Variants in NLGN1 observed in about 807,000 individuals in gnomAD.
NLGN1 encodes the protein neuroligin 1.
Under a neutral mutation model 65.5 loss-of-function variants are expected in NLGN1, and 12 were observed. That is an observed-to-expected ratio of 0.18 (90% confidence interval 0.12 to 0.30). The LOEUF is 0.30. Ranked by LOEUF, NLGN1 falls within the 10% of genes least tolerant of loss-of-function variation. The pLI is 1.00. For missense variants in NLGN1, 750 were observed against 1,007.1 expected (o/e 0.74, Z 3.46); for synonymous variants, 350 against 359.5 (o/e 0.97, Z 0.30).
At chr3:173,500,610 T>C (rs184054947) in intron 2 of NLGN1, among the ~76,000 whole-genome samples, 1 of 152,312 alleles carries the variant, frequency 6.6e-6, no homozygotes, top group African/African-American at 2.4e-5. Flanking sequence ...TTGATTGGAA[T>C]AGTTTCAGAA....
chr3:173,456,073 TA>T (rs1266808895), intron 2 of NLGN1, among the ~76,000 whole-genome samples: 1 of 152,082 alleles, frequency 6.6e-6, no homozygotes, highest in African/African-American at 2.4e-5. Flanking sequence ...TCTGCTTTAG[TA>T]AGACATCAAT....
chr3:173,684,401 A>T (rs968991350), intron 3 of NLGN1, among the ~76,000 whole-genome samples: 9 of 152,222 alleles, frequency 5.9e-5, no homozygotes, highest in Non-Finnish European at 1.2e-4. Flanking sequence ...TATGAAGTTT[A>T]AAAGTCAGAA....
At position 173,537,297 on chromosome 3, in the gene NLGN1, C is replaced by T. The variant is rs141443295; in HGVS notation, c.-320-66982C>T. The stretch of plus-strand genomic sequence containing the variant: ...TAAAAACAATAACTAGGTTATAATT[C>T]CAACTATTATACAAGTCTCCTGCAC... On this transcript the variant is annotated intron_variant, in intron 2 of 6. Coordinates refer to ENST00000457714, the Ensembl canonical transcript of NLGN1. Among the ~76,000 whole-genome samples the T allele has an allele frequency of 2.6e-3, 397 of 152,188 alleles. 1 individual carries two copies. Among genetic ancestry groups the T allele is most frequent in the African/African-American group, 8.7e-3 (362 of 41,484 alleles).
intron 4 of NLGN1, among the ~76,000 whole-genome samples, chr3:173,914,015 G>A (rs1044110413): frequency 1.3e-5 from 2 of 152,220 alleles, no homozygotes; most frequent in Non-Finnish European, 1.5e-5. Context: ...TAGTGTGCTC[G>A]CAACTGGCAT....
At chr3:173,910,545 A>C (rs1251460037) in intron 4 of NLGN1, 1 of 152,018 alleles carries the variant, frequency 6.6e-6, no homozygotes, top group Admixed American at 6.6e-5. Flanking sequence ...ATAATTAAGT[A>C]ATCCCTTTAT....
exon 7 of NLGN1, chr3:174,282,015 A>G (rs927195517): frequency 3.9e-5 from 6 of 152,334 alleles, no homozygotes; most frequent in African/African-American, 1.4e-4. Flanking sequence ...AGCTTCCTCC[A>G]TCAATTGGCA....
chr3:174,118,318 A>C (rs1716990502), intron 4 of NLGN1, among the ~76,000 whole-genome samples: 1 of 152,078 alleles, frequency 6.6e-6, no homozygotes, highest in Admixed American at 6.6e-5. Flanking sequence ...GCTCTCAGAG[A>C]GCTTACTCTA....
At chr3:173,429,956 GC>G (rs2148736085) in intron 1 of NLGN1, among the ~76,000 whole-genome samples, 1 of 152,264 alleles carries the variant, frequency 6.6e-6, no homozygotes, top group South Asian at 2.1e-4. Context: ...TTGTGCCCTG[GC>G]TGGTACTAGC....
chr3:173,937,385 A>G (rs745871344), intron 4 of NLGN1, among the ~76,000 whole-genome samples: 8 of 152,110 alleles, frequency 5.3e-5, no homozygotes, highest in Non-Finnish European at 7.4e-5. Context: ...CAGAGAACAA[A>G]TTAATATACT....
In NLGN1 at chr3:174,243,220, A is replaced by T. The variant is rs187692638; in HGVS notation, c.647-32095A>T. Among the ~76,000 whole-genome samples the T allele has an allele frequency of 2.2e-3, 330 of 152,268 alleles. 3 individuals carry two copies. The highest frequency in any genetic ancestry group is 7.8e-3 in the African/African-American group (325 of 41,558). ...CAAAAAGAAAGTATGCCCTTTGCCT[A>T]TTGCTTTGATAACCCTTTGCTGTAA... On this transcript the variant is annotated intron_variant, in intron 4 of 6. Transcript: ENST00000457714.
intron 4 of NLGN1, among the ~76,000 whole-genome samples, chr3:173,914,499 ATATG>A (rs1740314777): frequency 6.6e-6 from 1 of 151,306 alleles, no homozygotes; most frequent in Non-Finnish European, 1.5e-5. Context: ...CTTAATGAAT[ATATG>A]TATGTGTGTA....
chr3:173,510,913 T>C (rs1732839704), intron 2 of NLGN1, among the ~76,000 whole-genome samples: 1 of 152,210 alleles, frequency 6.6e-6, no homozygotes, highest in Non-Finnish European at 1.5e-5. Flanking sequence ...TTATTACAAA[T>C]TCGCGAGATT....
intron 4 of NLGN1, among the ~76,000 whole-genome samples, chr3:173,917,901 T>C (rs566178038): frequency 1.2e-3 from 183 of 149,826 alleles, no homozygotes; most frequent in Non-Finnish European, 1.2e-3. Flanking sequence ...TGTTGATGAA[T>C]GGCTTGATTT....
chr3:174,238,568 G>A (rs1742178980), intron 4 of NLGN1, among the ~76,000 whole-genome samples: 1 of 152,040 alleles, frequency 6.6e-6, no homozygotes, highest in Admixed American at 6.5e-5. Context: ...TTACCACGTT[G>A]GCCCGGATGG....
chr3:173,743,041 C>A (rs1774883671), intron 3 of NLGN1, among the ~76,000 whole-genome samples: 1 of 152,080 alleles, frequency 6.6e-6, no homozygotes, highest in South Asian at 2.1e-4. Context: ...TACAGAAGGC[C>A]AGTGTAGGCA....
intron 3 of NLGN1, among the ~76,000 whole-genome samples, chr3:173,792,363 G>T (rs184112455): frequency 6.6e-6 from 1 of 152,182 alleles, no homozygotes; most frequent in Admixed American, 6.6e-5. Flanking sequence ...TTTATAGTCA[G>T]GTCTTGCTGG....
At chr3:173,832,309 C>T (rs1722751247) in intron 4 of NLGN1, among the ~76,000 whole-genome samples, 2 of 152,190 alleles carry the variant, frequency 1.3e-5, no homozygotes, top group Non-Finnish European at 2.9e-5. Context: ...ACCAATGAAT[C>T]ACAAAATTTC....
chr3:173,916,813 G>C (rs1411387496), intron 4 of NLGN1, among the ~76,000 whole-genome samples: 1 of 152,108 alleles, frequency 6.6e-6, no homozygotes, highest in Non-Finnish European at 1.5e-5. Context: ...TGAATACTGA[G>C]AGCAAATCTA....
At chr3:174,274,398 A>G (rs1304979104) in intron 4 of NLGN1, among the ~76,000 whole-genome samples, 1 of 151,872 alleles carries the variant, frequency 6.6e-6, no homozygotes, top group African/African-American at 2.4e-5. Context: ...TACAACTTTC[A>G]TATGTAAAAC....
Sources: allele counts gnomAD v4.1 joint callset (sites outside exome capture counted in the v4.1 genomes callset), GRCh38; gene constraint gnomAD v4.1.1; transcripts MANE v1.5; gene names NCBI Gene and HGNC (gene_info 2026-07-23, HGNC 2026-07-21).